The following ARHGAP29 variants were observed in gnomAD, a reference collection of about 807,000 sequenced individuals.
The protein encoded by ARHGAP29 is Rho GTPase activating protein 29.
Under a neutral mutation model 122.6 loss-of-function variants are expected in ARHGAP29, and 43 were observed. That is an observed-to-expected ratio of 0.35 (90% CI 0.27 to 0.45). ARHGAP29 has a LOEUF of 0.45. Among genes scored for constraint, ARHGAP29 ranks in the 20% least tolerant of loss-of-function variants. The pLI is 1.00. For synonymous variants in ARHGAP29, 506 were observed against 497.1 expected (o/e 1.02, Z -0.24); for missense variants, 1,303 against 1,477.2 (o/e 0.88, Z 1.93).
chr1:94,244,793 G>C (rs1347284269), intron 1 of ARHGAP29, among the ~76,000 whole-genome samples: 2 of 152,024 alleles, frequency 1.3e-5, no homozygotes, highest in East Asian at 3.8e-4. Context: ...TAAAACTTCT[G>C]CTCTTTGAGA....
chr1:94,179,556 GCA>G (rs1219588502), intron 20 of ARHGAP29, among the ~76,000 whole-genome samples, 167 bp downstream of exon 20: 1 of 124,938 alleles, frequency 8.0e-6, no homozygotes, highest in Non-Finnish European at 1.6e-5. Flanking sequence ...TTGTGCTGCT[GCA>G]CCCCAGCCTG....
In ARHGAP29 at chr1:94,207,260, C is replaced by T. The variant is rs77633390; in HGVS notation, c.510+1572G>A. Reference sequence around the variant, plus strand: ...CTGGCCTCAGGTGATCCGCCCACTTCGCCCTCCCAAAGTACGAGATTACAG... The same window carrying T: ...CTGGCCTCAGGTGATCCGCCCACTTTGCCCTCCCAAAGTACGAGATTACAG... On this transcript the variant is annotated intron_variant, in intron 5 of 22. Transcript: ENST00000260526. Among the ~76,000 whole-genome samples the T allele has an allele frequency of 9.6e-3, 1,459 of 152,044 alleles. 21 individuals are homozygous for T. Among genetic ancestry groups the T allele is most frequent in the African/African-American group, 0.033 (1,379 of 41,486 alleles).
In ARHGAP29 at chr1:94,207,844, G is replaced by T. The variant is rs542200712; in HGVS notation, c.510+988C>A. 1.3e-3 allele frequency among the ~76,000 whole-genome samples: 191 copies of T among 147,990 alleles called. 3 individuals carry two copies. The East Asian group carries it at 0.015, about 11-fold the overall frequency. ...TTCCAAATATTTGATTTTTTTTTTT[G>T]TTTTTGTTTCTTTGTGTTTTTTTAG... On this transcript the variant is annotated intron_variant, in intron 5 of 22. Coordinates refer to ENST00000260526, the MANE Select transcript of ARHGAP29 (RefSeq NM_004815.4).
At chr1:94,294,784 C>T in the ARHGAP29 span, among the ~76,000 whole-genome samples, 1 of 152,162 alleles carries the variant, frequency 6.6e-6, no homozygotes. Context: ...CTGGAAAATA[C>T]TAACGTTCAA....
At chr1:94,307,829 A>C in the ARHGAP29 span, among the ~76,000 whole-genome samples, 1 of 152,244 alleles carries the variant, frequency 6.6e-6, no homozygotes, top group Non-Finnish European at 1.5e-5. Flanking sequence ...AAAAGTACTA[A>C]ATGGACATAT....
the ARHGAP29 span, among the ~76,000 whole-genome samples, chr1:94,283,921 G>A: frequency 6.6e-6 from 1 of 152,122 alleles, no homozygotes; most frequent in African/African-American, 2.4e-5. Context: ...CTAGTTTCTA[G>A]TGATGCAATT....
chr1:94,184,097 CA>C, intron 19 of ARHGAP29, 53 bp downstream of exon 19: 1 of 1,559,990 alleles, frequency 6.4e-7, no homozygotes, highest in South Asian at 1.2e-5. Context: ...AAATACAAAT[CA>C]TATTTTTGCT....
At chr1:94,295,896 A>G in the ARHGAP29 span, among the ~76,000 whole-genome samples, 1 of 152,208 alleles carries the variant, frequency 6.6e-6, no homozygotes, top group Non-Finnish European at 1.5e-5. Context: ...CAGTGGAACA[A>G]TTACCTTAGA....
intron 12 of ARHGAP29, chr1:94,191,225 C>T (rs2101441959): frequency 6.6e-6 from 1 of 152,246 alleles, no homozygotes; most frequent in South Asian, 2.1e-4. Flanking sequence ...TTACACAAAG[C>T]TGTAACATGA....
At chr1:94,268,046 ACTT>A (rs571509962) in intron 1 of ARHGAP29, among the ~76,000 whole-genome samples, 56 of 152,092 alleles carry the variant, frequency 3.7e-4, no homozygotes, top group Non-Finnish European at 8.1e-4. Context: ...GCAAACATAA[ACTT>A]CTTCTGATAA....
At chr1:94,213,241 G>A (rs1358939149) in intron 3 of ARHGAP29, among the ~76,000 whole-genome samples, 13 of 152,082 alleles carry the variant, frequency 8.5e-5, no homozygotes, top group East Asian at 3.9e-4. Context: ...GTGCAGTGGC[G>A]TGATCTCGGC....
rs1649210386 is a variant in ARHGAP29 at position 94,177,953 on chromosome 1, T to C, written c.2695A>G (p.Ile899Val). 1.9e-6 allele frequency: 3 copies of C among 1,614,026 alleles called. No homozygotes were observed. Among genetic ancestry groups the C allele is most frequent in the Admixed American group, 1.7e-5 (1 of 60,002 alleles). The stretch of plus-strand genomic sequence containing the variant: ...AAACAGCCTTGATCAACAACACCTA[T>C]GCTACACATAACATCTTGTGGTTGT... ...SLQPQDVMCS[I>V]GVVDQGCFPK... Residue 899 changes from isoleucine to valine, a missense_variant, in exon 21 of 23, where the codon ATA becomes GTA. Transcript: ENST00000260526.
intron 6 of ARHGAP29, 121 bp from the exon 7 acceptor site, chr1:94,205,319 A>C: frequency 1.2e-6 from 1 of 810,454 alleles, no homozygotes; most frequent in Non-Finnish European, 1.8e-6. Context: ...AAAAAATACA[A>C]GTGACAAATT....
At chr1:94,230,685 C>G (rs1652870830) in intron 2 of ARHGAP29, among the ~76,000 whole-genome samples, 1 of 151,534 alleles carries the variant, frequency 6.6e-6, no homozygotes, top group African/African-American at 2.4e-5. Context: ...CTAGACATAC[C>G]ATTATGAATA....
intron 2 of ARHGAP29, among the ~76,000 whole-genome samples, chr1:94,221,631 A>G (rs1405350314): frequency 6.6e-6 from 1 of 150,868 alleles, no homozygotes; most frequent in Admixed American, 6.6e-5. Context: ...ATATATACAT[A>G]CATATGTACA....
chr1:94,182,654 T>C (rs568747463), intron 19 of ARHGAP29, among the ~76,000 whole-genome samples: 3 of 152,266 alleles, frequency 2.0e-5, no homozygotes, highest in African/African-American at 4.8e-5. Flanking sequence ...AGAAAAATAA[T>C]TTTCAGTCCA....
At chr1:94,248,611 CA>C (rs1359300630) in intron 1 of ARHGAP29, among the ~76,000 whole-genome samples, 1 of 151,790 alleles carries the variant, frequency 6.6e-6, no homozygotes, top group East Asian at 1.9e-4. Flanking sequence ...AAATATTTTT[CA>C]AAAAGATTAA....
At chr1:94,204,183 C>T (rs190630718) in intron 7 of ARHGAP29, among the ~76,000 whole-genome samples, 189 bp from the exon 8 acceptor site, 16 of 150,066 alleles carry the variant, frequency 1.1e-4, no homozygotes, top group Admixed American at 2.0e-4. Flanking sequence ...GGTCTCACTA[C>T]GTTGCCGAGG....
At chr1:94,180,242 T>C (rs1232619280) in intron 19 of ARHGAP29, among the ~76,000 whole-genome samples, 9 of 152,158 alleles carry the variant, frequency 5.9e-5, no homozygotes, top group South Asian at 2.1e-4. Context: ...ATATATCCTA[T>C]AGCAATCACA....
Sources: gnomAD v4.1 joint callset for allele counts (sites outside exome capture counted in the v4.1 genomes callset) on GRCh38, gnomAD v4.1.1 for gene constraint, MANE v1.5 for transcripts, NCBI Gene and HGNC (gene_info 2026-07-23, HGNC 2026-07-21) for gene names.